Variants in NPAS3 observed in about 807,000 individuals in gnomAD.
The protein encoded by NPAS3 is neuronal PAS domain-containing protein 3.
Under a neutral mutation model 73.1 loss-of-function variants are expected in NPAS3, and 14 were observed. The ratio of observed to expected loss-of-function variants is 0.19; its 90% CI spans 0.13 to 0.30. The LOEUF (loss-of-function observed/expected upper bound fraction) is 0.30. Ranked by LOEUF, NPAS3 falls within the 10% of genes least tolerant of loss-of-function variation. NPAS3 has a pLI of 1.00. For missense variants in NPAS3, 1,096 were observed against 1,250.0 expected (o/e 0.88, Z 1.86); for synonymous variants, 620 against 541.5 (o/e 1.14, Z -2.01).
chr14:33,502,193 A>G (rs999507166), intron 4 of NPAS3, among the ~76,000 whole-genome samples: 1 of 151,954 alleles, frequency 6.6e-6, no homozygotes, highest in South Asian at 2.1e-4. Flanking sequence ...TAGTGAAAAC[A>G]GTGGGGTGAT....
At chr14:33,504,429 G>A (rs1478284127) in intron 4 of NPAS3, among the ~76,000 whole-genome samples, 4 of 151,974 alleles carry the variant, frequency 2.6e-5, no homozygotes, top group Non-Finnish European at 5.9e-5. Flanking sequence ...TGATTCCCAA[G>A]ACTTTTATAT....
At chr14:33,421,273 T>G (rs969976778) in intron 4 of NPAS3, among the ~76,000 whole-genome samples, 1 of 151,894 alleles carries the variant, frequency 6.6e-6, no homozygotes, top group African/African-American at 2.4e-5. Context: ...TATAGGACCA[T>G]CCCAATAAAG....
intron 6 of NPAS3, among the ~76,000 whole-genome samples, chr14:33,720,357 T>C: frequency 6.6e-6 from 1 of 152,050 alleles, no homozygotes; most frequent in Non-Finnish European, 1.5e-5. Context: ...AAGAGAAAAG[T>C]TGCTCATTAA....
intron 5 of NPAS3, among the ~76,000 whole-genome samples, chr14:33,657,924 A>C (rs2059194373): frequency 6.6e-6 from 1 of 152,224 alleles, no homozygotes; most frequent in Non-Finnish European, 1.5e-5. Context: ...TCTTCCAAGT[A>C]AATATCGCCA....
chr14:33,406,493 A>T (rs911096973), intron 4 of NPAS3, among the ~76,000 whole-genome samples: 2 of 152,092 alleles, frequency 1.3e-5, no homozygotes, highest in Non-Finnish European at 2.9e-5. Context: ...CATGTGTTTT[A>T]TCTGTCTCTC....
At chr14:33,601,986 A>T (rs1055679139) in intron 5 of NPAS3, among the ~76,000 whole-genome samples, 9 of 152,200 alleles carry the variant, frequency 5.9e-5, no homozygotes, top group African/African-American at 1.9e-4. Flanking sequence ...CCAGAAAGAC[A>T]GGAAACAAAA....
downstream of NPAS3, chr14:33,801,160 C>A (rs543870816): frequency 1.3e-6 from 2 of 1,533,342 alleles, no homozygotes. Flanking sequence ...GAGGCATCGT[C>A]GGCATTTTCG....
intron 1 of NPAS3, among the ~76,000 whole-genome samples, chr14:32,968,481 G>C (rs1353476735): frequency 6.6e-6 from 1 of 152,064 alleles, no homozygotes; most frequent in Non-Finnish European, 1.5e-5. Context: ...ATATAGGTTG[G>C]TGTCTTATGT....
At chr14:33,422,356 A>C (rs1211910633) in intron 4 of NPAS3, among the ~76,000 whole-genome samples, 1 of 151,836 alleles carries the variant, frequency 6.6e-6, no homozygotes, top group Non-Finnish European at 1.5e-5. Context: ...AGATAGATTT[A>C]CTCCTGAAAT....
Position 33,800,807 on chromosome 14 carries a change from G to A in NPAS3, c.2500G>A (p.Ala834Thr). The A allele has an allele frequency of 2.5e-6, 4 of 1,597,570 alleles. No individual in the cohort carries two copies. Among genetic ancestry groups the A allele is most frequent in the South Asian group, 1.1e-5 (1 of 88,020 alleles). ...CACGGGCACCATCCGCTACGCGCCC[G>A]CCGAGGTGACCCTGGCCATGCAGAG... Residue 834 changes from alanine to threonine, a missense_variant, in exon 12 of 12, where the codon GCC becomes ACC. Ala to Thr is a moderately conservative substitution (Grantham distance 58). Coordinates refer to ENST00000356141, the Ensembl canonical transcript of NPAS3. This position sits in a 1 kb window ranked among gnomAD's most constrained non-coding sequence, Gnocchi z 6.5.
intron 4 of NPAS3, among the ~76,000 whole-genome samples, chr14:33,460,312 T>C (rs1178466888): frequency 6.6e-6 from 1 of 152,190 alleles, no homozygotes; most frequent in Non-Finnish European, 1.5e-5. Flanking sequence ...GTGCCTTGAA[T>C]ATTGCACAGC....
intron 6 of NPAS3, among the ~76,000 whole-genome samples, chr14:33,713,293 C>T (rs1013215416): frequency 6.6e-6 from 1 of 152,236 alleles, no homozygotes; most frequent in East Asian, 1.9e-4. Flanking sequence ...CATCGTGCTA[C>T]TCTTGCCCCC....
chr14:33,437,734 T>A (rs1000227138), intron 4 of NPAS3, among the ~76,000 whole-genome samples: 1 of 152,198 alleles, frequency 6.6e-6, no homozygotes, highest in African/African-American at 2.4e-5. Context: ...ATAGACACTG[T>A]CAAATCGACA....
Position 33,284,369 on chromosome 14 carries a change from A to G in NPAS3, c.385+68943A>G, listed in dbSNP as rs572759439. 2.0e-5 allele frequency among the ~76,000 whole-genome samples: 3 copies of G among 152,200 alleles called. No individual in the cohort carries two copies. The East Asian group carries it at 5.8e-4, about 29-fold the overall frequency. On this transcript the variant is annotated intron_variant, in intron 3 of 11. Coordinates refer to ENST00000356141, the Ensembl canonical transcript of NPAS3. ...ATTCTTAACTCTGCATAATTTCTGC[A>G]AACTCCAGAATTTCAAAAAATTTAT... is the stretch of plus-strand genomic sequence containing the variant.
intron 3 of NPAS3, among the ~76,000 whole-genome samples, chr14:33,340,527 C>T (rs951562746): frequency 6.6e-6 from 1 of 152,144 alleles, no homozygotes; most frequent in African/African-American, 2.4e-5. Context: ...TTTTGTGTAA[C>T]CATTTTATAT....
At chr14:33,397,715 T>C (rs2047282836) in intron 4 of NPAS3, among the ~76,000 whole-genome samples, 1 of 152,118 alleles carries the variant, frequency 6.6e-6, no homozygotes, top group Non-Finnish European at 1.5e-5. Context: ...AAAACCGATG[T>C]ATGGAAAGTA....
At chr14:32,972,461 C>T (rs1407690361) in intron 1 of NPAS3, among the ~76,000 whole-genome samples, 1 of 152,190 alleles carries the variant, frequency 6.6e-6, no homozygotes, top group African/African-American at 2.4e-5. Context: ...CACACACATG[C>T]ACATGCACAC....
At chr14:33,415,174 G>A (rs568369790) in intron 4 of NPAS3, among the ~76,000 whole-genome samples, 5 of 152,146 alleles carry the variant, frequency 3.3e-5, no homozygotes, top group Admixed American at 6.6e-5. Flanking sequence ...ATGCTGCACT[G>A]GAAAGAGTTT....
chr14:33,204,208 A>T (rs1356471895), intron 2 of NPAS3, among the ~76,000 whole-genome samples: 5 of 152,158 alleles, frequency 3.3e-5, no homozygotes, highest in African/African-American at 9.7e-5. Flanking sequence ...ATGTTGTCTC[A>T]CTTTAAACGT....
Sources: allele counts gnomAD v4.1 joint callset (sites outside exome capture counted in the v4.1 genomes callset), GRCh38; gene constraint gnomAD v4.1.1; non-coding constraint Gnocchi (gnomAD v3.1); transcripts MANE v1.5; gene names NCBI Gene and HGNC (gene_info 2026-07-23, HGNC 2026-07-21).